KCNH6: variants seen among roughly 807,000 people sequenced by gnomAD.
The protein encoded by KCNH6 is voltage-gated inwardly rectifying potassium channel KCNH6.
KCNH6 carries 81 observed loss-of-function variants against 83.4 expected under a neutral mutation model. That is an observed-to-expected ratio of 0.97 (90% CI 0.81 to 1.17). The LOEUF (loss-of-function observed/expected upper bound fraction) is 1.17. Ranked by LOEUF, KCNH6 falls within the 50% of genes most tolerant of loss-of-function variation. KCNH6 has a pLI of 0.00. For synonymous variants in KCNH6, 503 were observed against 545.6 expected (o/e 0.92, Z 1.09); for missense variants, 1,203 against 1,290.5 (o/e 0.93, Z 1.04).
Position 63,545,397 on chromosome 17 carries a change from C to G in KCNH6, c.2583+133C>G, listed in dbSNP as rs1360743105. 5 of 1,029,032 alleles carry G rather than the reference C, an allele frequency of 4.9e-6. No homozygotes were observed. In the South Asian group the frequency reaches 7.9e-5, roughly 16 times the overall value. The allele number at this position is 1,029,032 out of a possible 1,614,324, so 63.7% of individuals were successfully genotyped here. A position where few individuals can be genotyped will look rare whatever the true frequency, so the allele number is the denominator to read the frequency against. Reference sequence around the variant, plus strand: ...GAGCAGCCAGGGCTTCTGCTTACCTCCTTTATGATCAGAGTCATGATAGGG... The same window carrying G: ...GAGCAGCCAGGGCTTCTGCTTACCTGCTTTATGATCAGAGTCATGATAGGG... On this transcript the variant is annotated intron_variant, in intron 12 of 12. Coordinates refer to ENST00000314672, the MANE Select transcript of KCNH6 (RefSeq NM_001278919.2).
In KCNH6 at chr17:63,536,048, T is replaced by A. The variant is rs1409695377; in HGVS notation, c.1481T>A (p.Ile494Asn). 1 of 1,613,492 alleles carries A rather than the reference T, an allele frequency of 6.2e-7. No individual in the cohort carries two copies. The highest frequency in any genetic ancestry group is 8.5e-7 in the Non-Finnish European group (1 of 1,179,954). Residue 494 changes from isoleucine (I) to asparagine (N), a missense_variant, in exon 6 of 13, where the codon ATC becomes AAC. Coordinates refer to ENST00000314672, the MANE Select transcript of KCNH6 (RefSeq NM_001278919.2). ...ACCAACTCCGAGAAGGTCTTCTCCA[T>A]CTGCGTCATGCTCATCGGCTGTGAG... ...PNTNSEKVFS[I>N]CVMLIGSLMY...
intron 8 of KCNH6, 84 bp from the exon 9 acceptor site, chr17:63,542,157 G>T: frequency 7.0e-7 from 1 of 1,428,696 alleles, no homozygotes; most frequent in Non-Finnish European, 9.7e-7. Flanking sequence ...GATGTCCGAG[G>T]TTGGGGGAGG....
intron 9 of KCNH6, among the ~76,000 whole-genome samples, chr17:63,543,051 G>A (rs2032952050): frequency 6.6e-6 from 1 of 152,260 alleles, no homozygotes; most frequent in Non-Finnish European, 1.5e-5. Context: ...ACCGACCTGG[G>A]AATGCCCAGA....
rs1279468042 is a variant in KCNH6 at position 63,535,273 on chromosome 17, C to T, written c.1102-396C>T. Among the ~76,000 whole-genome samples, 7 of 152,198 alleles carry T rather than the reference C, an allele frequency of 4.6e-5. No individual in the cohort carries two copies. Among genetic ancestry groups the T allele is most frequent in the East Asian group, 1.9e-4 (1 of 5,186 alleles). ...CAGTGCCACACTCGGTTTCCCACAT[C>T]GGCCACGCACTTCACACCTCAGTGC... On this transcript the variant is annotated intron_variant, in intron 5 of 12. Transcript: ENST00000314672. The surrounding 1 kb of genome is among the most constrained non-coding windows in gnomAD (Gnocchi z 4.9).
At chr17:63,525,955 G>C (rs1597970913) in intron 2 of KCNH6, among the ~76,000 whole-genome samples, 2 of 152,180 alleles carry the variant, frequency 1.3e-5, no homozygotes, top group East Asian at 1.9e-4. Flanking sequence ...CTTGACACTA[G>C]AGCTATACCT....
At chr17:63,542,982 G>A (rs571269381) in intron 9 of KCNH6, among the ~76,000 whole-genome samples, 68 of 152,350 alleles carry the variant, frequency 4.5e-4, no homozygotes, top group African/African-American at 1.5e-3. Context: ...CCAAAGTCAC[G>A]AAGGTATAAA....
chr17:63,525,892 C>T (rs2031678972), intron 2 of KCNH6, among the ~76,000 whole-genome samples: 3 of 152,182 alleles, frequency 2.0e-5, no homozygotes. Flanking sequence ...TCCTGGGGAA[C>T]AGGATGGGAC....
rs73992289 is a variant in KCNH6, at chr17:63,534,986, T to C, written c.1101+675T>C. 0.018 allele frequency among the ~76,000 whole-genome samples: 2,779 copies of C among 152,210 alleles called. 75 individuals are homozygous for C. Among genetic ancestry groups the C allele is most frequent in the African/African-American group, 0.064 (2,639 of 41,514 alleles). On this transcript the variant is annotated intron_variant, in intron 5 of 12. Coordinates refer to ENST00000314672, the MANE Select transcript of KCNH6 (RefSeq NM_001278919.2). The surrounding 1 kb of genome is among the most constrained non-coding windows in gnomAD (Gnocchi z 5.0). ...GACACTGAGTGGCCTTCGTACTCAC[T>C]TGTGTCCCATCACCAAACTTGCCAG...
Position 63,546,004 on chromosome 17 carries a change from C to A in KCNH6, c.*102C>A, listed in dbSNP as rs1413201007. On this transcript the variant is annotated 3_prime_UTR_variant, in exon 13 of 13. Transcript: ENST00000314672. Reference sequence around the variant, plus strand: ...TGCAGTGGCTCGCCTGTAATCCCAGCACTTTGGGAGGCCGAGGCGGGCGGA... The same window carrying A: ...TGCAGTGGCTCGCCTGTAATCCCAGAACTTTGGGAGGCCGAGGCGGGCGGA... The A allele has an allele frequency of 5.3e-6, 6 of 1,121,688 alleles. No homozygotes were observed. The African/African-American group carries it at 6.2e-5, about 12-fold the overall frequency. The allele number at this position is 1,121,688 out of a possible 1,614,324, so 69.5% of individuals were successfully genotyped here.
At chr17:63,545,427 C>T (rs956722322) in intron 12 of KCNH6, among the ~76,000 whole-genome samples, 163 bp downstream of exon 12, 3 of 152,216 alleles carry the variant, frequency 2.0e-5, no homozygotes, top group Admixed American at 2.0e-4. Context: ...ATAGGGTTAG[C>T]CTGGGCAAGG....
chr17:63,531,404 G>A (rs990448106), intron 4 of KCNH6, among the ~76,000 whole-genome samples: 3 of 152,234 alleles, frequency 2.0e-5, no homozygotes, highest in African/African-American at 7.2e-5. Context: ...GCCCCAGGAG[G>A]CAGACAAAGC....
intron 6 of KCNH6, among the ~76,000 whole-genome samples, chr17:63,537,717 C>T (rs970487130): frequency 6.6e-6 from 1 of 152,124 alleles, no homozygotes; most frequent in African/African-American, 2.4e-5. Flanking sequence ...GATTACAGGC[C>T]TGAGCCACCA....
intron 6 of KCNH6, among the ~76,000 whole-genome samples, chr17:63,537,339 T>A (rs1203629662): frequency 6.6e-6 from 1 of 152,208 alleles, no homozygotes; most frequent in African/African-American, 2.4e-5. Flanking sequence ...TGAGTTGTGA[T>A]GTTCAGAGTA....
chr17:63,526,517 C>T (rs967250685), intron 2 of KCNH6, among the ~76,000 whole-genome samples: 32 of 151,848 alleles, frequency 2.1e-4, no homozygotes, highest in African/African-American at 7.3e-4. Context: ...CCCTCACACC[C>T]GACTAATTTT....
At chr17:63,544,472 A>C (rs1598015294) in intron 11 of KCNH6, 61 bp downstream of exon 11, 1 of 1,401,648 alleles carries the variant, frequency 7.1e-7, no homozygotes, top group East Asian at 2.6e-5. Context: ...AGTGGCTCAG[A>C]CACATCACAG....
At chr17:63,543,050 G>C (rs1307561340) in intron 9 of KCNH6, among the ~76,000 whole-genome samples, 2 of 152,242 alleles carry the variant, frequency 1.3e-5, no homozygotes, top group Non-Finnish European at 2.9e-5. Context: ...GACCGACCTG[G>C]GAATGCCCAG....
In KCNH6 at chr17:63,534,562, C is replaced by T. The variant is rs1276534500; in HGVS notation, c.1101+251C>T. ...AGCAGGCCCTGGTAAGAGGAGCAGG[C>T]TGCCCCTTCCAGGATGGGCACTCGT... On this transcript the variant is annotated intron_variant, in intron 5 of 12. Coordinates refer to ENST00000314672, the MANE Select transcript of KCNH6 (RefSeq NM_001278919.2). This position sits in a 1 kb window ranked among gnomAD's most constrained non-coding sequence, Gnocchi z 5.0. Among the ~76,000 whole-genome samples, 1 of 152,018 alleles carries T rather than the reference C, an allele frequency of 6.6e-6. No homozygotes were observed. The highest frequency in any genetic ancestry group is 2.4e-5 in the African/African-American group (1 of 41,360).
chr17:63,543,495 C>A, intron 9 of KCNH6, 81 bp from the exon 10 acceptor site: 1 of 857,186 alleles, frequency 1.2e-6, no homozygotes, highest in Non-Finnish European at 2.0e-6. Flanking sequence ...GTGACAGCAC[C>A]ATGGGGTCAG....
chr17:63,524,672 C>A (rs747880540), intron 2 of KCNH6, among the ~76,000 whole-genome samples: 1 of 152,202 alleles, frequency 6.6e-6, no homozygotes, highest in Non-Finnish European at 1.5e-5. Context: ...TCAGCCCCAG[C>A]GGTCAGGCAG....
Sources: allele counts gnomAD v4.1 joint callset (sites outside exome capture counted in the v4.1 genomes callset), GRCh38; gene constraint gnomAD v4.1.1; non-coding constraint Gnocchi (gnomAD v3.1); transcripts MANE v1.5; gene names NCBI Gene and HGNC (gene_info 2026-07-23, HGNC 2026-07-21).